Variants in CLK1 observed in about 807,000 individuals in gnomAD.
CLK1 encodes the protein CDC like kinase 1.
In CLK1, 40 loss-of-function variants were observed where a neutral mutation model predicts 60.9. The ratio of observed to expected loss-of-function variants is 0.66; its 90% CI spans 0.51 to 0.86. CLK1 has a LOEUF of 0.86. Among genes scored for constraint, CLK1 ranks in the 40% least tolerant of loss-of-function variants. The pLI, the probability that CLK1 is intolerant of heterozygous loss-of-function variation, is 0.00. For synonymous variants in CLK1, 203 were observed against 184.4 expected, an observed-to-expected ratio of 1.10 and a Z score of -0.82; for missense variants, 563 against 606.1, an observed-to-expected ratio of 0.93 and a Z score of 0.75.
At chr2:200,864,291 C>A in intron 1 of CLK1, 1 of 1,483,980 alleles carries the variant, frequency 6.7e-7, no homozygotes, top group Non-Finnish European at 8.9e-7. Context: ...TCAGGCGGCG[C>A]CGCTTCCTCA....
At chr2:200,862,595 C>T (rs911658232) in intron 1 of CLK1, among the ~76,000 whole-genome samples, 9 of 152,232 alleles carry the variant, frequency 5.9e-5, no homozygotes, top group African/African-American at 2.2e-4. Flanking sequence ...CTGACTCAGC[C>T]CGCCTGCACC....
At chr2:200,863,878 C>G (rs1267630218) in intron 1 of CLK1, among the ~76,000 whole-genome samples, 1 of 152,110 alleles carries the variant, frequency 6.6e-6, no homozygotes, top group Non-Finnish European at 1.5e-5. Flanking sequence ...AACTGCTAAC[C>G]CAAGAGGAGT....
intron 12 of CLK1, among the ~76,000 whole-genome samples, chr2:200,853,678 T>TGGA (rs199669278): frequency 7.9e-5 from 5 of 63,450 alleles, no homozygotes; most frequent in Admixed American, 2.2e-4. Flanking sequence ...TGTCTTTACT[T>TGGA]GAAAAAAAAA....
intron 3 of CLK1, chr2:200,860,771 C>T: frequency 9.8e-7 from 1 of 1,018,092 alleles, no homozygotes; most frequent in Non-Finnish European, 1.2e-6. Flanking sequence ...ATATATAACC[C>T]ATAACAGTTC....
chr2:200,858,842 TAA>T (rs10652214), intron 5 of CLK1, among the ~76,000 whole-genome samples: 1 of 147,278 alleles, frequency 6.8e-6, no homozygotes, highest in Non-Finnish European at 1.5e-5. Context: ...AACAGGGAAC[TAA>T]AAAAAAAGAG....
chr2:200,860,129 T>C lies in CLK1; in HGVS notation c.477A>G (p.Ala159=), dbSNP rs200228581. 1 of 1,613,462 alleles carries C rather than the reference T, an allele frequency of 6.2e-7. No individual in the cohort carries two copies. Among genetic ancestry groups the C allele is most frequent in the South Asian group, 1.1e-5 (1 of 91,062 alleles). ...GTGTTGAAAAATATTCTATACATCT[T>C]GCACTTAGTACGTCTCCACTCTGAC... ...LICQSGDVLS[A]RYEIVDTLGE... is the part of the protein sequence containing the mutation. The change falls in exon 4 of 13, where the codon GCA becomes GCG. Residue 159 remains alanine (A), a synonymous_variant. Transcript: ENST00000321356.
At chr2:200,857,090 G>A (rs1237578768) in intron 7 of CLK1, 105 bp from the exon 8 acceptor site, 12 of 838,462 alleles carry the variant, frequency 1.4e-5, no homozygotes, top group Non-Finnish European at 2.1e-5. Flanking sequence ...GTAATCACCT[G>A]AGGTCAGGAG....
intron 5 of CLK1, among the ~76,000 whole-genome samples, chr2:200,858,905 G>A (rs1169967349): frequency 6.6e-6 from 1 of 151,738 alleles, no homozygotes; most frequent in East Asian, 1.9e-4. Context: ...CTGGAGCCAA[G>A]CGCTCATGCC....
At chr2:200,857,638 T>C (rs570198667) in intron 7 of CLK1, 80 bp downstream of exon 7, 6 of 1,189,908 alleles carry the variant, frequency 5.0e-6, no homozygotes, top group African/African-American at 3.1e-5. Context: ...CAAATAAAAA[T>C]TGTACACACT....
At position 200,861,954 on chromosome 2, in the gene CLK1, T is replaced by C. The variant is rs545020620; in HGVS notation, c.1-92A>G. On this transcript the variant is annotated intron_variant, in intron 1 of 12. Coordinates refer to ENST00000321356, the MANE Select transcript of CLK1 (RefSeq NM_004071.4). ...TACAAAGGTCCCCTCGTGACCTCGT[T>C]TTAAGACCAAAATTCAAGAATCATT... 7.7e-4 allele frequency: 763 copies of C among 993,114 alleles called. 2 individuals carry two copies. Among genetic ancestry groups the C allele is most frequent in the Non-Finnish European group, 8.3e-4 (551 of 667,818 alleles). 61.5% of individuals were successfully genotyped at this position (993,114 alleles called of 1,614,324 possible). A position where few individuals can be genotyped will look rare whatever the true frequency, so the allele number is the denominator to read the frequency against.
chr2:200,853,390 C>A lies in CLK1; in HGVS notation c.1371G>T (p.Met457Ile). 6.2e-7 allele frequency: 1 copy of A among 1,613,434 alleles called. No homozygotes were observed. The highest frequency in any genetic ancestry group is 8.5e-7 in the Non-Finnish European group (1 of 1,179,706). The change falls in exon 13 of 13, where the codon ATG becomes ATT. Residue 457 changes from methionine (M) to isoleucine (I), a missense_variant. By Grantham distance (10) the Met-to-Ile change is conservative. Transcript: ENST00000321356. ...TTCTTTTGGCTGGATCATACTCCAA[C>A]ATTTTCTGAATGAGGTCAAAGAGAC... is the stretch of plus-strand genomic sequence containing the variant. Reference protein sequence around the residue: ...HERLFDLIQKMLEYDPAKRIT... With the variant: ...HERLFDLIQKILEYDPAKRIT...
chr2:200,856,656 G>C, intron 9 of CLK1, 26 bp downstream of exon 9: 1 of 1,537,532 alleles, frequency 6.5e-7, no homozygotes, highest in Non-Finnish European at 8.7e-7. Context: ...AAATACAAAG[G>C]TTCTCAAAGG....
At chr2:200,860,881 C>A in intron 3 of CLK1, 1 of 1,063,986 alleles carries the variant, frequency 9.4e-7, no homozygotes, top group South Asian at 3.2e-5. Context: ...AATAAAATGC[C>A]CTGTTCTACT....
intron 12 of CLK1, 59 bp from the exon 13 acceptor site, chr2:200,853,508 G>A (rs2038981256): frequency 3.5e-6 from 5 of 1,425,152 alleles, no homozygotes; most frequent in Non-Finnish European, 4.8e-6. Context: ...ACTACACTAT[G>A]TAACAGTATA....
Position 200,861,473 on chromosome 2 carries a change from A to G in CLK1, c.162-7T>C. ...CCTGCTTTCCAAATAATGGCTAGAG[A>G]AATAAAAATTATTTTCAATGTTTTA... is the stretch of plus-strand genomic sequence containing the variant. On this transcript the variant is annotated splice_region_variant and splice_polypyrimidine_tract_variant and intron_variant, in intron 2 of 12. Coordinates refer to ENST00000321356, the MANE Select transcript of CLK1 (RefSeq NM_004071.4). 1 of 1,610,552 alleles carries G rather than the reference A, an allele frequency of 6.2e-7. No individual in the cohort carries two copies. The highest frequency in any genetic ancestry group is 8.5e-7 in the Non-Finnish European group (1 of 1,178,626).
intron 9 of CLK1, 54 bp downstream of exon 9, chr2:200,856,628 T>A (rs2039048403): frequency 4.7e-6 from 7 of 1,496,704 alleles, no homozygotes; most frequent in Admixed American, 2.3e-5. Flanking sequence ...GCTAAAAAAA[T>A]TTTAAGTCTC....
intron 12 of CLK1, 79 bp from the exon 13 acceptor site, chr2:200,853,528 A>AT: frequency 2.3e-6 from 3 of 1,293,438 alleles, no homozygotes; most frequent in Non-Finnish European, 3.2e-6. Context: ...AGTAAACCAT[A>AT]TATATATAAC....
chr2:200,854,864 A>T, intron 10 of CLK1, 140 bp downstream of exon 10: 1 of 783,800 alleles, frequency 1.3e-6, no homozygotes. Flanking sequence ...AAATAAAACA[A>T]TTATGAAAGA....
chr2:200,853,680 A>AG (rs1491222733), intron 12 of CLK1, among the ~76,000 whole-genome samples: 65 of 10,886 alleles, frequency 6.0e-3, no homozygotes, highest in Non-Finnish European at 0.012. Flanking sequence ...TCTTTACTTG[A>AG]AAAAAAAAAA....
Sources: gnomAD v4.1 joint callset for allele counts (sites outside exome capture counted in the v4.1 genomes callset) on GRCh38, gnomAD v4.1.1 for gene constraint, MANE v1.5 for transcripts, NCBI Gene and HGNC (gene_info 2026-07-23, HGNC 2026-07-21) for gene names.